Variants in ELOVL6 observed in about 807,000 individuals in gnomAD.
ELOVL6 encodes ELOVL fatty acid elongase 6, also known as very long chain fatty acid elongase 6.
ELOVL6 carries 8 observed loss-of-function variants against 31.7 expected under a neutral mutation model. That is an observed-to-expected ratio of 0.25 (90% CI 0.15 to 0.45). ELOVL6 has a LOEUF of 0.45. Ranked by LOEUF, ELOVL6 falls within the 20% of genes least tolerant of loss-of-function variation. ELOVL6 has a pLI of 1.00. For missense variants in ELOVL6, 126 were observed against 326.4 expected (o/e 0.39, Z 4.73); for synonymous variants, 101 against 117.7 (o/e 0.86, Z 0.92).
At chr4:110,098,267 T>C (rs1490136729) in intron 2 of ELOVL6, among the ~76,000 whole-genome samples, 2 of 150,928 alleles carry the variant, frequency 1.3e-5, no homozygotes, top group African/African-American at 4.9e-5. Context: ...GTGGGATAGG[T>C]AGAGAATGAG....
intron 3 of ELOVL6, among the ~76,000 whole-genome samples, chr4:110,056,664 A>G (rs1246393934): frequency 6.6e-6 from 1 of 152,182 alleles, no homozygotes; most frequent in Admixed American, 6.5e-5. Flanking sequence ...ATTTTTTCCA[A>G]CACTTCAATC....
rs59141873 is a variant in ELOVL6 at position 110,082,291 on chromosome 4, A to G, written c.222-22537T>C. 4.9e-3 allele frequency among the ~76,000 whole-genome samples: 742 copies of G among 152,182 alleles called. 6 individuals are homozygous for G. Among genetic ancestry groups the G allele is most frequent in the African/African-American group, 0.017 (706 of 41,482 alleles). On this transcript the variant is annotated intron_variant, in intron 2 of 3. Coordinates refer to ENST00000302274, the MANE Select transcript of ELOVL6 (RefSeq NM_024090.3). Reference sequence around the variant, plus strand: ...ATCATGCTACTATACAGACACATGCACACATATGTTTATTGCGGCACTATT... The same window carrying G: ...ATCATGCTACTATACAGACACATGCGCACATATGTTTATTGCGGCACTATT...
At chr4:110,127,722 A>G (rs1431248291) in intron 1 of ELOVL6, among the ~76,000 whole-genome samples, 2 of 152,242 alleles carry the variant, frequency 1.3e-5, no homozygotes, top group African/African-American at 4.8e-5. Context: ...CATGACCAAG[A>G]AGAATTTATC....
intron 1 of ELOVL6, among the ~76,000 whole-genome samples, chr4:110,111,358 CTT>C (rs3033269): frequency 1.4e-5 from 2 of 144,894 alleles, no homozygotes; most frequent in African/African-American, 5.1e-5. Flanking sequence ...CTTAGAATTC[CTT>C]TTTTTTTTTC....
chr4:110,169,522 C>T (rs1347410310), intron 1 of ELOVL6, among the ~76,000 whole-genome samples: 1 of 151,880 alleles, frequency 6.6e-6, no homozygotes, highest in Non-Finnish European at 1.5e-5. Context: ...GGATTACAGG[C>T]GTGAGCCACC....
At chr4:110,078,807 G>A (rs1263959658) in intron 2 of ELOVL6, among the ~76,000 whole-genome samples, 4 of 152,156 alleles carry the variant, frequency 2.6e-5, no homozygotes, top group Admixed American at 1.3e-4. Context: ...ATTGGATAAG[G>A]AGTCAAGACC....
At position 110,197,145 on chromosome 4, in the gene ELOVL6, C is replaced by A. The variant is rs543085382; in HGVS notation, c.89+1102G>T. On this transcript the variant is annotated intron_variant, in intron 1 of 3. Coordinates refer to ENST00000302274, the MANE Select transcript of ELOVL6 (RefSeq NM_024090.3). ...GCTCCCGGGAGACCCTGCGGCCCGA[C>A]CCTCCCCGGTCAAGCCATCCCCCGG... is the stretch of plus-strand genomic sequence containing the variant. Among the ~76,000 whole-genome samples, 253 of 152,298 alleles carry A rather than the reference C, an allele frequency of 1.7e-3. 2 individuals carry two copies. Among genetic ancestry groups the A allele is most frequent in the African/African-American group, 5.7e-3 (237 of 41,576 alleles).
chr4:110,120,893 C>T (rs1757336712), intron 1 of ELOVL6, among the ~76,000 whole-genome samples: 2 of 151,242 alleles, frequency 1.3e-5, no homozygotes, highest in South Asian at 2.1e-4. Context: ...CTCTGCCTCC[C>T]GGGTTCAAGC....
At chr4:110,194,946 C>T (rs1759729275) in intron 1 of ELOVL6, among the ~76,000 whole-genome samples, 1 of 152,078 alleles carries the variant, frequency 6.6e-6, no homozygotes, top group Non-Finnish European at 1.5e-5. Context: ...CCATAAATTC[C>T]CAAAAGACAG....
intron 1 of ELOVL6, among the ~76,000 whole-genome samples, chr4:110,165,253 C>G (rs1402067521): frequency 1.4e-4 from 22 of 152,182 alleles, no homozygotes; most frequent in Admixed American, 1.4e-3. Context: ...TTTAGTGGAA[C>G]CATGTGCTAT....
At chr4:110,089,866 AGAG>A (rs927996663) in intron 2 of ELOVL6, among the ~76,000 whole-genome samples, 24 of 152,304 alleles carry the variant, frequency 1.6e-4, no homozygotes, top group Middle Eastern at 3.4e-3. Flanking sequence ...AGGAAAAGAA[AGAG>A]GAGGAAGGAG....
chr4:110,171,411 A>AAAATAAAC (rs1758938686), intron 1 of ELOVL6, among the ~76,000 whole-genome samples: 1 of 146,408 alleles, frequency 6.8e-6, no homozygotes, highest in African/African-American at 2.5e-5. Flanking sequence ...CTCCATCTCA[A>AAAATAAAC]AAATAAATAA....
chr4:110,162,004 A>C (rs1758643388), intron 1 of ELOVL6, among the ~76,000 whole-genome samples: 1 of 152,210 alleles, frequency 6.6e-6, no homozygotes, highest in Non-Finnish European at 1.5e-5. Context: ...TGAAGAGCAC[A>C]CTGGCTATCC....
chr4:110,197,490 C>T (rs572232254), intron 1 of ELOVL6, among the ~76,000 whole-genome samples: 223 of 152,280 alleles, frequency 1.5e-3, no homozygotes, highest in African/African-American at 5.0e-3. Context: ...CAATCAGCAG[C>T]TACGCACAGA....
chr4:110,090,600 C>CTTTTTTTT (rs544234717), intron 2 of ELOVL6, among the ~76,000 whole-genome samples: 7,523 of 103,200 alleles, frequency 0.073, 863 homozygotes, highest in East Asian at 0.18. Context: ...GTTTGACTTT[C>CTTTTTTTT]TTTTTTTTTT....
chr4:110,084,209 A>AT lies in ELOVL6; in HGVS notation c.221+21287_221+21288insA, dbSNP rs1560814552. Among the ~76,000 whole-genome samples, 5 of 69,816 alleles carry AT rather than the reference A, an allele frequency of 7.2e-5. 1 individual carries two copies. The highest frequency in any genetic ancestry group is 8.7e-4 in the East Asian group (2 of 2,288). The allele number at this position is 69,816 out of a possible 152,430, so 45.8% of individuals were successfully genotyped here. A position where few individuals can be genotyped will look rare whatever the true frequency, so the allele number is the denominator to read the frequency against. ...AACATATAACTTATATGATATATAT[A>AT]ACATATAACTTATATGATATATATA... On this transcript the variant is annotated intron_variant, in intron 2 of 3. Coordinates refer to ENST00000302274, the MANE Select transcript of ELOVL6 (RefSeq NM_024090.3).
At chr4:110,054,217 T>C (rs999670808) in intron 3 of ELOVL6, among the ~76,000 whole-genome samples, 2 of 152,240 alleles carry the variant, frequency 1.3e-5, no homozygotes, top group Non-Finnish European at 2.9e-5. Context: ...CAGATTTTTA[T>C]GGTGTCTATA....
intron 1 of ELOVL6, among the ~76,000 whole-genome samples, chr4:110,127,710 A>G (rs976477235): frequency 2.0e-5 from 3 of 152,238 alleles, no homozygotes; most frequent in South Asian, 4.1e-4. Flanking sequence ...TGAATTATCT[A>G]TCATGACCAA....
At chr4:110,180,798 T>C (rs1759249520) in intron 1 of ELOVL6, among the ~76,000 whole-genome samples, 1 of 152,132 alleles carries the variant, frequency 6.6e-6, no homozygotes, top group African/African-American at 2.4e-5. Context: ...AGATAAAGGA[T>C]AGGAACAAAA....
Sources: allele counts gnomAD v4.1 joint callset (sites outside exome capture counted in the v4.1 genomes callset), GRCh38; gene constraint gnomAD v4.1.1; transcripts MANE v1.5; gene names NCBI Gene and HGNC (gene_info 2026-07-23, HGNC 2026-07-21).